GLUD1: variants seen among roughly 807,000 people sequenced by gnomAD.
The protein encoded by GLUD1 is glutamate dehydrogenase 1.
A neutral mutation model predicts 56.0 loss-of-function variants in GLUD1; 22 were observed. The observed-to-expected ratio is 0.39, with a 90% CI of 0.28 to 0.56. The LOEUF is 0.56. Ranked by LOEUF, GLUD1 falls within the 20% of genes least tolerant of loss-of-function variation. The probability of loss-of-function intolerance (pLI) is 0.58; values close to 1 mark genes in which losing one functional copy is unlikely to be tolerated. For missense variants in GLUD1, 451 were observed against 732.0 expected, an observed-to-expected ratio of 0.62 and a Z score of 4.43; for synonymous variants, 223 against 269.9, an observed-to-expected ratio of 0.83 and a Z score of 1.70.
intron 1 of GLUD1, among the ~76,000 whole-genome samples, chr10:87,080,623 G>C (rs986400095): frequency 1.4e-5 from 2 of 146,310 alleles, no homozygotes; most frequent in African/African-American, 2.5e-5. Context: ...GCCTCTGCCC[G>C]GCCGCGACCC....
At chr10:87,060,551 G>C in intron 8 of GLUD1, 137 bp downstream of exon 8, 1 of 1,085,410 alleles carries the variant, frequency 9.2e-7, no homozygotes, top group Non-Finnish European at 1.4e-6. Context: ...ACCTTAAATG[G>C]GGGAACTGTA....
At chr10:87,077,581 A>G (rs1436950222) in intron 1 of GLUD1, among the ~76,000 whole-genome samples, 1 of 150,158 alleles carries the variant, frequency 6.7e-6, no homozygotes, top group Non-Finnish European at 1.5e-5. Context: ...TGTATCTAGT[A>G]GCCATTACGT....
intron 4 of GLUD1, among the ~76,000 whole-genome samples, chr10:87,074,028 T>G (rs1369206220): frequency 2.0e-5 from 3 of 151,936 alleles, no homozygotes; most frequent in Non-Finnish European, 4.4e-5. Context: ...AAAAAAAATA[T>G]AGGTTTAAAC....
intron 4 of GLUD1, among the ~76,000 whole-genome samples, chr10:87,073,310 C>T (rs191021308): frequency 7.9e-5 from 12 of 152,136 alleles, no homozygotes; most frequent in South Asian, 4.1e-4. Context: ...TGCACCATCA[C>T]GCTTGGATAA....
intron 12 of GLUD1, 24 bp from the exon 13 acceptor site, chr10:87,051,894 T>C (rs1260668330): frequency 6.2e-7 from 1 of 1,613,938 alleles, no homozygotes; most frequent in East Asian, 2.2e-5. Flanking sequence ...GAAAATGCAG[T>C]GAAGATGATC....
chr10:87,053,120 A>G (rs983203216), intron 12 of GLUD1, among the ~76,000 whole-genome samples: 2 of 152,206 alleles, frequency 1.3e-5, no homozygotes, highest in African/African-American at 4.8e-5. Flanking sequence ...CTCCTAAATC[A>G]GCCTTATTAT....
At chr10:87,058,993 G>A (rs1845861318) in intron 10 of GLUD1, among the ~76,000 whole-genome samples, 157 bp downstream of exon 10, 1 of 152,222 alleles carries the variant, frequency 6.6e-6, no homozygotes, top group Non-Finnish European at 1.5e-5. Context: ...GAAAGACATT[G>A]TGCATTTTTG....
chr10:87,079,156 T>C (rs553550280), intron 1 of GLUD1, among the ~76,000 whole-genome samples: 1 of 151,632 alleles, frequency 6.6e-6, no homozygotes, highest in Non-Finnish European at 1.5e-5. Flanking sequence ...TAAATATATA[T>C]CTACAATTTG....
In GLUD1 at chr10:87,051,583, C is replaced by G; in HGVS notation, c.*168G>C. 1.2e-6 allele frequency: 1 copy of G among 813,922 alleles called. No homozygotes were observed. The highest frequency in any genetic ancestry group is 2.2e-6 in the Non-Finnish European group (1 of 461,142). 50.4% of individuals were successfully genotyped at this position (813,922 alleles called of 1,614,324 possible). ...CTCAGCTTGTACATGATCCGCTAAC[C>G]TTAATTTCTTTCTCCTTAACGGGCT... On this transcript the variant is annotated 3_prime_UTR_variant, in exon 13 of 13. Transcript: ENST00000277865.
intron 4 of GLUD1, among the ~76,000 whole-genome samples, chr10:87,074,136 A>G (rs1226694429): frequency 6.6e-6 from 1 of 152,194 alleles, no homozygotes; most frequent in East Asian, 1.9e-4. Flanking sequence ...TAATAGTAAG[A>G]TACAAAAACA....
rs201104562 is a variant in GLUD1 at position 87,087,420 on chromosome 10, T to TA, written c.445+6904_445+6905insT. ...CTGATTAAACTCAATCTTCAGCCCC[T>TA]TTCCAATCTCCAGAGGTCAAAGGGT... is the stretch of plus-strand genomic sequence containing the variant. On this transcript the variant is annotated intron_variant, in intron 1 of 12. Transcript: ENST00000277865. Among the ~76,000 whole-genome samples the TA allele has an allele frequency of 3.9e-5, 6 of 152,200 alleles. No homozygotes were observed. In the East Asian group the frequency reaches 9.6e-4, roughly 24 times the overall value.
At chr10:87,079,609 T>C (rs918808143) in intron 1 of GLUD1, among the ~76,000 whole-genome samples, 2 of 152,314 alleles carry the variant, frequency 1.3e-5, no homozygotes, top group East Asian at 1.9e-4. Context: ...TCCGCTTGCA[T>C]GGAGGGGTGC....
At chr10:87,056,746 T>G (rs1381085099) in intron 11 of GLUD1, among the ~76,000 whole-genome samples, 1 of 152,096 alleles carries the variant, frequency 6.6e-6, no homozygotes. Flanking sequence ...GCTGCACCAA[T>G]CTACACCGTC....
At chr10:87,078,854 C>T (rs1276279859) in intron 1 of GLUD1, among the ~76,000 whole-genome samples, 3 of 152,244 alleles carry the variant, frequency 2.0e-5, no homozygotes, top group Non-Finnish European at 4.4e-5. Context: ...ATAGATTATA[C>T]ATTTGGCCCA....
chr10:87,094,296 G>A lies in GLUD1; in HGVS notation c.445+29C>T, dbSNP rs1841651081. On this transcript the variant is annotated intron_variant, in intron 1 of 12. Transcript: ENST00000277865. The surrounding 1 kb of genome is among the most constrained non-coding windows in gnomAD (Gnocchi z 6.6). ...GGGAGGGCCGCAGGGGAGGCAGGGA[G>A]GGCGGGACGGGGCCCGGCCGACGCT... 3 of 1,577,040 alleles carry A rather than the reference G, an allele frequency of 1.9e-6. No homozygotes were observed. The highest frequency in any genetic ancestry group is 1.8e-5 in the Admixed American group (1 of 54,096).
chr10:87,070,261 T>A (rs988843381), intron 4 of GLUD1, among the ~76,000 whole-genome samples: 3 of 151,654 alleles, frequency 2.0e-5, no homozygotes, highest in Non-Finnish European at 4.4e-5. Context: ...GAGACAAGCC[T>A]GGGCAACATA....
At chr10:87,081,499 T>C (rs1841252594) in intron 1 of GLUD1, among the ~76,000 whole-genome samples, 1 of 152,148 alleles carries the variant, frequency 6.6e-6, no homozygotes, top group Admixed American at 6.5e-5. Flanking sequence ...TTTTGTGGAA[T>C]AGAAAGCGGG....
intron 5 of GLUD1, among the ~76,000 whole-genome samples, chr10:87,067,196 T>A (rs1218439806): frequency 6.6e-6 from 1 of 152,170 alleles, no homozygotes; most frequent in South Asian, 2.1e-4. Flanking sequence ...ACACAAACAC[T>A]GGGGCTTGGT....
At chr10:87,075,895 C>A in intron 3 of GLUD1, 73 bp downstream of exon 3, 2 of 1,048,664 alleles carry the variant, frequency 1.9e-6, no homozygotes, top group Non-Finnish European at 3.0e-6. Flanking sequence ...GCCTGAACAA[C>A]AGAGGAAGAC....
Sources: allele counts gnomAD v4.1 joint callset (sites outside exome capture counted in the v4.1 genomes callset), GRCh38; gene constraint gnomAD v4.1.1; non-coding constraint Gnocchi (gnomAD v3.1); transcripts MANE v1.5; gene names NCBI Gene and HGNC (gene_info 2026-07-23, HGNC 2026-07-21).